The following IL1RAP variants were observed in gnomAD, a reference collection of about 807,000 sequenced individuals.
IL1RAP encodes interleukin 1 receptor accessory protein, also known as interleukin-1 receptor accessory protein.
A neutral mutation model predicts 60.7 loss-of-function variants in IL1RAP; 35 were observed. That is an observed-to-expected ratio of 0.58 (90% CI 0.44 to 0.76). IL1RAP has a LOEUF of 0.76. Among genes scored for constraint, IL1RAP ranks in the 30% least tolerant of loss-of-function variants. The probability of loss-of-function intolerance (pLI) is 0.00; values close to 1 mark genes in which losing one functional copy is unlikely to be tolerated. For synonymous variants in IL1RAP, 268 were observed against 250.9 expected, an observed-to-expected ratio of 1.07 and a Z score of -0.64; for missense variants, 572 against 693.9, an observed-to-expected ratio of 0.82 and a Z score of 1.97.
At chr3:190,644,888 C>T (rs968311463) in intron 10 of IL1RAP, among the ~76,000 whole-genome samples, 1 of 152,188 alleles carries the variant, frequency 6.6e-6, no homozygotes, top group Admixed American at 6.5e-5. Flanking sequence ...GCAATAGACT[C>T]GTGACTCGTG....
intron 5 of IL1RAP, among the ~76,000 whole-genome samples, chr3:190,617,064 C>T (rs1731343373): frequency 6.6e-6 from 1 of 152,200 alleles, no homozygotes; most frequent in Non-Finnish European, 1.5e-5. Context: ...CCCATGTCTA[C>T]CTTCTTCCTC....
chr3:190,651,246 TAG>T lies in IL1RAP; in HGVS notation c.*2544_*2545del. On this transcript the variant is annotated 3_prime_UTR_variant, in exon 12 of 12. Coordinates refer to ENST00000447382, the MANE Select transcript of IL1RAP (RefSeq NM_002182.4). ...CAGGTTAACAAAGAACTGTGATATATAGAGTGTCTAATTACAAAATCATATAC... is the reference window on the plus strand; with the variant it reads ...CAGGTTAACAAAGAACTGTGATATATAGTGTCTAATTACAAAATCATATAC... The T allele has an allele frequency of 4.1e-6, 4 of 973,888 alleles. No individual in the cohort carries two copies. Among genetic ancestry groups the T allele is most frequent in the Non-Finnish European group, 2.4e-6 (2 of 819,468 alleles). 60.3% of individuals were successfully genotyped at this position (973,888 alleles called of 1,614,324 possible). A position where few individuals can be genotyped will look rare whatever the true frequency, so the allele number is the denominator to read the frequency against.
chr3:190,539,525 C>G (rs1192910976), intron 1 of IL1RAP, among the ~76,000 whole-genome samples: 1 of 151,996 alleles, frequency 6.6e-6, no homozygotes, highest in East Asian at 1.9e-4. Context: ...GCCTTCTCCT[C>G]TCATCTGTAC....
chr3:190,571,113 C>A (rs1031352810), intron 3 of IL1RAP, among the ~76,000 whole-genome samples: 1 of 152,030 alleles, frequency 6.6e-6, no homozygotes, highest in Non-Finnish European at 1.5e-5. Flanking sequence ...ACAGGCACAT[C>A]GATCATGATT....
At chr3:190,625,691 T>A (rs1323590053) in intron 7 of IL1RAP, among the ~76,000 whole-genome samples, 1 of 152,192 alleles carries the variant, frequency 6.6e-6, no homozygotes, top group East Asian at 1.9e-4. Flanking sequence ...TGGAGAACAA[T>A]GCCAAAAAAA....
intron 1 of IL1RAP, among the ~76,000 whole-genome samples, chr3:190,514,529 C>A (rs573973458): frequency 6.6e-6 from 1 of 151,876 alleles, no homozygotes; most frequent in South Asian, 2.1e-4. Context: ...CCTCACCGCC[C>A]CCTCCCCGCT....
intron 5 of IL1RAP, among the ~76,000 whole-genome samples, chr3:190,613,601 A>G (rs957419845): frequency 2.0e-5 from 3 of 152,194 alleles, no homozygotes; most frequent in Non-Finnish European, 4.4e-5. Context: ...CATGGCCAAT[A>G]TCCAACCATG....
At chr3:190,555,954 A>ATCTG (rs1725387741) in intron 1 of IL1RAP, 176 bp from the exon 2 acceptor site, 1 of 151,842 alleles carries the variant, frequency 6.6e-6, no homozygotes, top group South Asian at 2.1e-4. Context: ...CTATCTATCT[A>ATCTG]TCTATCTATC....
chr3:190,568,372 A>G (rs748829610), intron 3 of IL1RAP, among the ~76,000 whole-genome samples: 36 of 152,178 alleles, frequency 2.4e-4, no homozygotes, highest in Non-Finnish European at 3.2e-4. Flanking sequence ...CCTTGACTCC[A>G]GAAACAGTGC....
rs563805320 is a variant in IL1RAP at position 190,539,407 on chromosome 3, T to C, written c.-88-16723T>C. On this transcript the variant is annotated intron_variant, in intron 1 of 11. Transcript: ENST00000447382. The stretch of plus-strand genomic sequence containing the variant: ...AGCTTCATAATTTCAAAAATGCTTT[T>C]CTATCTTGTGATACAGATTGTAACA... Among the ~76,000 whole-genome samples the C allele has an allele frequency of 2.4e-4, 36 of 152,244 alleles. 2 individuals carry two copies. The highest frequency in any genetic ancestry group is 2.2e-3 in the Admixed American group (33 of 15,274).
intron 9 of IL1RAP, among the ~76,000 whole-genome samples, chr3:190,631,729 C>A (rs1243547378): frequency 6.6e-6 from 1 of 151,732 alleles, no homozygotes; most frequent in African/African-American, 2.4e-5. Context: ...AGCAAAATTT[C>A]ATTATAGTCA....
intron 3 of IL1RAP, chr3:190,564,651 AGGTCCTATGGG>A: frequency 6.0e-6 from 2 of 335,184 alleles, no homozygotes; most frequent in Non-Finnish European, 1.1e-5. Context: ...CCCTTACCTC[AGGTCCTATGGG>A]GGAAAAATGG....
chr3:190,572,913 G>C lies in IL1RAP; in HGVS notation c.64+8560G>C, dbSNP rs1422187918. On this transcript the variant is annotated intron_variant, in intron 3 of 11. Transcript: ENST00000447382. ...GAGTCTCGCTCTGTCGCCCAGGCTG[G>C]AGTGCAGTGGCGGGATCTCGGCTCA... 7.6e-5 allele frequency among the ~76,000 whole-genome samples: 3 copies of C among 39,648 alleles called. 1 individual carries two copies. The highest frequency in any genetic ancestry group is 1.6e-4 in the Non-Finnish European group (3 of 19,212). 26.0% of individuals were successfully genotyped at this position (39,648 alleles called of 152,430 possible).
rs751143328 is a variant in IL1RAP at position 190,649,643 on chromosome 3, G to A, written c.*938G>A. 6.4e-5 allele frequency: 63 copies of A among 985,708 alleles called. No individual in the cohort carries two copies. Among genetic ancestry groups the A allele is most frequent in the African/African-American group, 7.0e-5 (4 of 57,222 alleles). The allele number at this position is 985,708 out of a possible 1,614,324, so 61.1% of individuals were successfully genotyped here. On this transcript the variant is annotated 3_prime_UTR_variant, in exon 12 of 12. Coordinates refer to ENST00000447382, the MANE Select transcript of IL1RAP (RefSeq NM_002182.4). The stretch of plus-strand genomic sequence containing the variant: ...CTTAACCTTGCTAATGTGAATACTG[G>A]GAAAGTGATTTTTTCTCACTCGTTT...
chr3:190,602,414 T>C (rs1560204103), intron 3 of IL1RAP, among the ~76,000 whole-genome samples: 1 of 152,142 alleles, frequency 6.6e-6, no homozygotes, highest in Non-Finnish European at 1.5e-5. Flanking sequence ...TGAAAACATA[T>C]TATTTAAATT....
chr3:190,637,483 C>T (rs899356047), intron 9 of IL1RAP, among the ~76,000 whole-genome samples: 1 of 152,062 alleles, frequency 6.6e-6, no homozygotes, highest in Non-Finnish European at 1.5e-5. Flanking sequence ...CATGTCTATT[C>T]ATTCTTCTGC....
intron 5 of IL1RAP, chr3:190,615,345 A>G (rs1304115796): frequency 8.0e-7 from 1 of 1,254,912 alleles, no homozygotes; most frequent in Admixed American, 2.4e-5. Context: ...ATATAGAAGT[A>G]AAGACACAGG....
At chr3:190,535,685 A>G (rs187674228) in intron 1 of IL1RAP, among the ~76,000 whole-genome samples, 70 of 152,332 alleles carry the variant, frequency 4.6e-4, no homozygotes, top group Admixed American at 2.2e-3. Flanking sequence ...GTTTGTAATG[A>G]CCAATTTTGT....
chr3:190,549,765 G>A (rs907152839), intron 1 of IL1RAP, among the ~76,000 whole-genome samples: 1 of 152,196 alleles, frequency 6.6e-6, no homozygotes, highest in Non-Finnish European at 1.5e-5. Context: ...TCCCAGTTTG[G>A]AGCCTGCATC....
Sources: gnomAD v4.1 joint callset for allele counts (sites outside exome capture counted in the v4.1 genomes callset) on GRCh38, gnomAD v4.1.1 for gene constraint, MANE v1.5 for transcripts, NCBI Gene and HGNC (gene_info 2026-07-23, HGNC 2026-07-21) for gene names.